CORIN: variants seen among roughly 807,000 people sequenced by gnomAD.
The protein encoded by CORIN is corin, serine peptidase, also known as atrial natriuretic peptide-converting enzyme.
A neutral mutation model predicts 125.3 loss-of-function variants in CORIN; 117 were observed. That is an observed-to-expected ratio of 0.93 (90% confidence interval 0.80 to 1.09). CORIN has a LOEUF of 1.09. Ranked by LOEUF, CORIN falls within the 50% of genes least tolerant of loss-of-function variation. The pLI, the probability that CORIN is intolerant of heterozygous loss-of-function variation, is 0.00. For synonymous variants in CORIN, 450 were observed against 466.4 expected (o/e 0.96, Z 0.45); for missense variants, 1,253 against 1,306.7 (o/e 0.96, Z 0.63).
chr4:47,608,415 T>G (rs1439617624), intron 19 of CORIN, among the ~76,000 whole-genome samples: 1 of 152,218 alleles, frequency 6.6e-6, no homozygotes, highest in Non-Finnish European at 1.5e-5. Flanking sequence ...ACTTGCCATT[T>G]GGCTGTCAAG....
chr4:47,825,423 C>T (rs1469622597), intron 1 of CORIN, among the ~76,000 whole-genome samples: 1 of 152,172 alleles, frequency 6.6e-6, no homozygotes, highest in Non-Finnish European at 1.5e-5. Flanking sequence ...TCAACCCAGA[C>T]CTGTTAAATT....
intron 19 of CORIN, among the ~76,000 whole-genome samples, chr4:47,604,983 G>T: frequency 6.6e-6 from 1 of 152,102 alleles, no homozygotes; most frequent in East Asian, 1.9e-4. Flanking sequence ...TCAACCCAAG[G>T]ACTTTCTTGC....
chr4:47,706,283 T>G, intron 5 of CORIN: 1 of 875,800 alleles, frequency 1.1e-6, no homozygotes, highest in Admixed American at 2.5e-5. Context: ...GTTGGTATCA[T>G]AAGCTCTAAA....
intron 3 of CORIN, among the ~76,000 whole-genome samples, chr4:47,782,775 C>T (rs1436244712): frequency 6.6e-6 from 1 of 151,762 alleles, no homozygotes; most frequent in Admixed American, 6.6e-5. Context: ...AAACATCATG[C>T]AAAATAAAAG....
At chr4:47,743,197 GA>G (rs61450626) in intron 5 of CORIN, among the ~76,000 whole-genome samples, 13,802 of 148,042 alleles carry the variant, frequency 0.093, 766 homozygotes, top group East Asian at 0.27. Context: ...TTAAGACACA[GA>G]AAAAAAAAAC....
At position 47,645,096 on chromosome 4, in the gene CORIN, C is replaced by T. The variant is rs1350189599; in HGVS notation, c.1942G>A (p.Asp648Asn). 1.2e-6 allele frequency: 2 copies of T among 1,602,602 alleles called. No homozygotes were observed. Among genetic ancestry groups the T allele is most frequent in the South Asian group, 1.1e-5 (1 of 89,154 alleles). Residue 648 changes from aspartate (D) to asparagine (N), a missense_variant, in exon 14 of 22, where the codon GAC (aspartate) becomes AAC (asparagine). Asp to Asn is a conservative substitution (Grantham distance 23). Coordinates refer to ENST00000273857, the MANE Select transcript of CORIN (RefSeq NM_006587.4). ...AAGCACTTACAGCAGTTTTTCTCGT[C>T]CATGTAATCAGGGCAGTCTGGGAAC... ...DGFPDCPDYM[D>N]EKNCSFCQDD...
intron 21 of CORIN, among the ~76,000 whole-genome samples, chr4:47,598,405 A>C (rs936383135): frequency 1.3e-5 from 2 of 152,186 alleles, no homozygotes; most frequent in African/African-American, 4.8e-5. Context: ...CACTGAACTC[A>C]GTATACACCA....
intron 5 of CORIN, among the ~76,000 whole-genome samples, chr4:47,708,882 G>A (rs965351056): frequency 2.0e-5 from 3 of 152,196 alleles, no homozygotes; most frequent in South Asian, 2.1e-4. Context: ...CTCCTGTAAT[G>A]AGAATGTTCA....
chr4:47,642,004 T>C lies in CORIN; in HGVS notation c.2114A>G (p.His705Arg), dbSNP rs751614868. The C allele has an allele frequency of 3.1e-6, 5 of 1,613,458 alleles. No homozygotes were observed. In the African/African-American group the frequency reaches 4.0e-5, roughly 13 times the overall value. Residue 705 changes from histidine to arginine, a missense_variant, in exon 16 of 22, where the codon CAC (histidine) becomes CGC (arginine). By Grantham distance (29) the His-to-Arg change is conservative (BLOSUM62 0). Coordinates refer to ENST00000273857, the MANE Select transcript of CORIN (RefSeq NM_006587.4). Reference protein sequence around the residue: ...NVNSSSFLMVHRAATEHHVCA... With the variant: ...NVNSSSFLMVRRAATEHHVCA... ...CACATGGTGTTCTGTGGCAGCTCTG[T>C]GAACCATCAGAAAGGAAGAGGAGTT... is the stretch of plus-strand genomic sequence containing the variant.
At chr4:47,743,462 C>A (rs1343616220) in intron 5 of CORIN, among the ~76,000 whole-genome samples, 1 of 152,230 alleles carries the variant, frequency 6.6e-6, no homozygotes, top group African/African-American at 2.4e-5. Context: ...ATGAAAAAGA[C>A]TGACAATGCT....
At chr4:47,830,527 T>C (rs1046039399) in intron 1 of CORIN, among the ~76,000 whole-genome samples, 1 of 152,204 alleles carries the variant, frequency 6.6e-6, no homozygotes, top group African/African-American at 2.4e-5. Context: ...GCTTCACAAG[T>C]GCATGAATCC....
chr4:47,626,989 TG>T lies in CORIN; in HGVS notation c.2199-469del, dbSNP rs1289263958. ...GTTTGTAGGTTGTTGTTGTTGTTGT[TG>T]TTGTTTTTTTTTTGATGAAGTCTTG... is the stretch of plus-strand genomic sequence containing the variant. On this transcript the variant is annotated intron_variant, in intron 16 of 21. Coordinates refer to ENST00000273857, the MANE Select transcript of CORIN (RefSeq NM_006587.4). 2.5e-4 allele frequency among the ~76,000 whole-genome samples: 31 copies of T among 124,282 alleles called. No individual in the cohort carries two copies. The East Asian group carries it at 3.3e-3, about 13-fold the overall frequency. The allele number at this position is 124,282 out of a possible 152,430, so 81.5% of individuals were successfully genotyped here.
At chr4:47,661,973 G>T in intron 11 of CORIN, 117 bp from the exon 12 acceptor site, 1 of 940,296 alleles carries the variant, frequency 1.1e-6, no homozygotes, top group Non-Finnish European at 1.5e-6. Flanking sequence ...TGGGTGTGTG[G>T]ATATAAAAGA....
chr4:47,667,697 C>T (rs886732580), intron 10 of CORIN, among the ~76,000 whole-genome samples: 2 of 152,248 alleles, frequency 1.3e-5, no homozygotes, highest in South Asian at 4.2e-4. Flanking sequence ...TGCAATATGA[C>T]TCTCAGTTTG....
At chr4:47,811,641 A>G (rs1006769747) in intron 1 of CORIN, among the ~76,000 whole-genome samples, 1 of 152,204 alleles carries the variant, frequency 6.6e-6, no homozygotes, top group Admixed American at 6.5e-5. Flanking sequence ...CTGAGATCAC[A>G]GGCTTGAGCC....
chr4:47,713,883 C>A (rs754014277), intron 5 of CORIN, among the ~76,000 whole-genome samples: 1 of 151,904 alleles, frequency 6.6e-6, no homozygotes, highest in African/African-American at 2.4e-5. Flanking sequence ...TAGATCATAA[C>A]CACTTTTGTT....
intron 3 of CORIN, among the ~76,000 whole-genome samples, chr4:47,768,115 C>T (rs1729848969): frequency 6.6e-6 from 1 of 152,166 alleles, no homozygotes; most frequent in South Asian, 2.1e-4. Context: ...CACTGAGCAC[C>T]TTGTGACCCC....
At chr4:47,768,099 C>T (rs1157169619) in intron 3 of CORIN, among the ~76,000 whole-genome samples, 2 of 152,180 alleles carry the variant, frequency 1.3e-5, no homozygotes, top group Admixed American at 1.3e-4. Flanking sequence ...GGCTCAAAAG[C>T]TCCCCCACTG....
At chr4:47,676,876 C>T (rs947529409) in intron 9 of CORIN, among the ~76,000 whole-genome samples, 2 of 152,102 alleles carry the variant, frequency 1.3e-5, no homozygotes, top group South Asian at 2.1e-4. Flanking sequence ...CAATAAATTA[C>T]GTTTAATAAA....
Sources: allele counts gnomAD v4.1 joint callset (sites outside exome capture counted in the v4.1 genomes callset), GRCh38; gene constraint gnomAD v4.1.1; transcripts MANE v1.5; gene names NCBI Gene and HGNC (gene_info 2026-07-23, HGNC 2026-07-21).